The following SNRPE variants were observed in gnomAD, a reference collection of about 807,000 sequenced individuals.
SNRPE encodes the protein small nuclear ribonucleoprotein polypeptide E.
For missense variants in SNRPE, 53 were observed against 111.6 expected (o/e 0.48, Z 2.36); for synonymous variants, 35 against 36.7 (o/e 0.95, Z 0.17).
At chr1:203,864,137 A>G (rs1690037544) in intron 3 of SNRPE, among the ~76,000 whole-genome samples, 1 of 152,030 alleles carries the variant, frequency 6.6e-6, no homozygotes, top group Non-Finnish European at 1.5e-5. Flanking sequence ...TATTTTTTAT[A>G]GAGATGAGGT....
chr1:203,866,990 G>A (rs1420719655), intron 4 of SNRPE, among the ~76,000 whole-genome samples: 2 of 151,624 alleles, frequency 1.3e-5, no homozygotes, highest in Admixed American at 6.6e-5. Flanking sequence ...GGTCCCCTAG[G>A]CCAGGTGCAG....
rs564988259 is a variant in SNRPE, at chr1:203,869,289, C to CTTTTTTTTTTTTTTTTTTTTT, written c.224-574_224-554dup. On this transcript the variant is annotated intron_variant, in intron 4 of 4. Coordinates refer to ENST00000414487, the MANE Select transcript of SNRPE (RefSeq NM_003094.4). ...AGGTTTGTTTATTGTAGGATGGAGT[C>CTTTTTTTTTTTTTTTTTTTTT]TTTTTTTTTTTTTTTTTTTTTTTTT... Among the ~76,000 whole-genome samples the CTTTTTTTTTTTTTTTTTTTTT allele has an allele frequency of 1.0e-4, 7 of 66,814 alleles. 1 individual carries two copies. Among genetic ancestry groups the CTTTTTTTTTTTTTTTTTTTTT allele is most frequent in the Non-Finnish European group, 1.3e-4 (5 of 37,906 alleles). 43.8% of individuals were successfully genotyped at this position (66,814 alleles called of 152,430 possible).
At chr1:203,869,243 T>G (rs140591506) in intron 4 of SNRPE, among the ~76,000 whole-genome samples, 53 of 149,714 alleles carry the variant, frequency 3.5e-4, no homozygotes, top group Middle Eastern at 3.5e-3. Context: ...TTAAATAACC[T>G]TAGGAAATTT....
intron 3 of SNRPE, among the ~76,000 whole-genome samples, chr1:203,864,665 T>C (rs1690049002): frequency 6.6e-6 from 1 of 152,062 alleles, no homozygotes; most frequent in South Asian, 2.1e-4. Context: ...TCACTTTAGC[T>C]CCAGAGTTCG....
Position 203,863,638 on chromosome 1 carries a change from G to T in SNRPE, c.82-25G>T, listed in dbSNP as rs764638129. ...CCGGCCCTATTTTTCTTTTTTTAAC[G>T]TTTCCACTTTTATGATTATTTCAGA... On this transcript the variant is annotated intron_variant, in intron 2 of 4. Coordinates refer to ENST00000414487, the MANE Select transcript of SNRPE (RefSeq NM_003094.4). 2.2e-5 allele frequency: 35 copies of T among 1,597,580 alleles called. 2 individuals carry two copies. In the South Asian group the frequency reaches 3.6e-4, roughly 17 times the overall value.
intron 1 of SNRPE, 124 bp from the exon 2 acceptor site, chr1:203,862,068 GTTGT>G: frequency 1.3e-6 from 1 of 745,412 alleles, no homozygotes; most frequent in Non-Finnish European, 2.4e-6. Context: ...CTGGGCACTT[GTTGT>G]TTGCGTAAGC....
intron 1 of SNRPE, 128 bp downstream of exon 1, chr1:203,861,841 G>A (rs998010768): frequency 4.1e-5 from 32 of 783,572 alleles, no homozygotes; most frequent in Admixed American, 1.2e-4. Flanking sequence ...GGGCTACCAA[G>A]ACTGGAAGAA....
intron 2 of SNRPE, among the ~76,000 whole-genome samples, 200 bp from the exon 3 acceptor site, chr1:203,863,463 G>A (rs1468173071): frequency 2.0e-5 from 3 of 152,160 alleles, no homozygotes; most frequent in East Asian, 1.9e-4. Context: ...GACTACAGGC[G>A]TGCGCCACCA....
intron 4 of SNRPE, among the ~76,000 whole-genome samples, chr1:203,867,956 G>GT (rs1690128666): frequency 6.6e-6 from 1 of 152,114 alleles, no homozygotes; most frequent in African/African-American, 2.4e-5. Flanking sequence ...ATGCTTCACC[G>GT]TAAGTGTATG....
chr1:203,864,496 A>G (rs1002544641), intron 3 of SNRPE, among the ~76,000 whole-genome samples: 1 of 151,358 alleles, frequency 6.6e-6, no homozygotes, highest in Non-Finnish European at 1.5e-5. Context: ...GCTCACTGCA[A>G]TCTTGAACTC....
At chr1:203,866,020 A>G (rs775206869) in intron 4 of SNRPE, among the ~76,000 whole-genome samples, 63 of 151,636 alleles carry the variant, frequency 4.2e-4, no homozygotes, top group Non-Finnish European at 2.7e-4. Context: ...TGTAGGCATG[A>G]CTGATTAAAT....
intron 4 of SNRPE, among the ~76,000 whole-genome samples, chr1:203,869,456 G>A (rs988131440): frequency 1.7e-4 from 26 of 151,898 alleles, no homozygotes; most frequent in African/African-American, 3.9e-4. Context: ...ACAGGCACGC[G>A]CCACCAGGCT....
At chr1:203,868,772 C>G (rs1051114498) in intron 4 of SNRPE, among the ~76,000 whole-genome samples, 1 of 151,786 alleles carries the variant, frequency 6.6e-6, no homozygotes, top group Non-Finnish European at 1.5e-5. Context: ...TGGGTTCAAG[C>G]GATTCTCCTG....
chr1:203,862,968 TATTG>T (rs1558156190), intron 2 of SNRPE, among the ~76,000 whole-genome samples: 2 of 152,082 alleles, frequency 1.3e-5, no homozygotes, highest in Non-Finnish European at 2.9e-5. Context: ...CAGTAAGAAA[TATTG>T]AGTCCCAAAA....
intron 3 of SNRPE, 124 bp downstream of exon 3, chr1:203,863,849 C>T: frequency 1.5e-6 from 1 of 654,408 alleles, no homozygotes; most frequent in Non-Finnish European, 2.7e-6. Context: ...TTTTCAGGTG[C>T]TGCTGTTTAG....
intron 4 of SNRPE, among the ~76,000 whole-genome samples, chr1:203,869,494 T>G (rs1442595412): frequency 1.3e-5 from 2 of 151,966 alleles, no homozygotes; most frequent in African/African-American, 4.8e-5. Flanking sequence ...TTAGTAGAGA[T>G]AGGGTGGAGT....
At chr1:203,863,608 C>T (rs925520234) in intron 2 of SNRPE, 55 bp from the exon 3 acceptor site, 12 of 1,324,582 alleles carry the variant, frequency 9.1e-6, no homozygotes, top group East Asian at 2.3e-5. Context: ...CGTGAGCCAC[C>T]GCGCCCGGCC....
chr1:203,862,250 C>CT, intron 2 of SNRPE, 28 bp downstream of exon 2: 1 of 1,540,164 alleles, frequency 6.5e-7, no homozygotes, highest in East Asian at 2.2e-5. Flanking sequence ...TTCGTAACTA[C>CT]TTTTTAAATA....
intron 4 of SNRPE, among the ~76,000 whole-genome samples, chr1:203,868,890 G>A (rs1480672284): frequency 1.3e-5 from 2 of 152,008 alleles, no homozygotes; most frequent in African/African-American, 2.4e-5. Context: ...GGCTGGTCTC[G>A]AATCCTAAGC....
Sources: gnomAD v4.1 joint callset for allele counts (sites outside exome capture counted in the v4.1 genomes callset) on GRCh38, gnomAD v4.1.1 for gene constraint, MANE v1.5 for transcripts, NCBI Gene and HGNC (gene_info 2026-07-23, HGNC 2026-07-21) for gene names.